The following UNC80 variants were observed in gnomAD, a reference collection of about 807,000 sequenced individuals.
The protein encoded by UNC80 is protein unc-80 homolog.
A neutral mutation model predicts 384.6 loss-of-function variants in UNC80; 164 were observed. That is an observed-to-expected ratio of 0.43 (90% CI 0.38 to 0.49). The LOEUF is 0.49. Among genes scored for constraint, UNC80 ranks in the 20% least tolerant of loss-of-function variants. The probability of loss-of-function intolerance (pLI) is 0.00; values close to 1 mark genes in which losing one functional copy is unlikely to be tolerated. For missense variants in UNC80, 3,330 were observed against 4,143.0 expected (o/e 0.80, Z 5.39); for synonymous variants, 1,486 against 1,527.8 (o/e 0.97, Z 0.64).
In UNC80 at chr2:209,834,100, C is replaced by T. The variant is rs756648889; in HGVS notation, c.2874C>T (p.Ala958=). 10 of 1,551,344 alleles carry T rather than the reference C, an allele frequency of 6.4e-6. No homozygotes were observed. Among genetic ancestry groups the T allele is most frequent in the East Asian group, 4.9e-5 (2 of 40,922 alleles). Reference sequence around the variant, plus strand: ...CCCTCAGCGCTCTGCTTGACAGTGCCGAGAAGTTAGCACCAGGGAAAAAGG... The same window carrying T: ...CCCTCAGCGCTCTGCTTGACAGTGCTGAGAAGTTAGCACCAGGGAAAAAGG... The part of the protein sequence containing the change: ...RVALSALLDS[A]EKLAPGKKVE... Residue 958 remains alanine (A), a synonymous_variant, in exon 17 of 65, where the codon GCC becomes GCT. Coordinates refer to ENST00000673920, the MANE Select transcript of UNC80 (RefSeq NM_001371986.1).
intron 23 of UNC80, among the ~76,000 whole-genome samples, chr2:209,875,073 T>C (rs1357946769): frequency 6.6e-6 from 1 of 152,080 alleles, no homozygotes; most frequent in Non-Finnish European, 1.5e-5. Flanking sequence ...CCTCACAGTC[T>C]CCTCTCATTT....
Position 209,917,811 on chromosome 2 carries a change from T to C in UNC80, c.5064T>C (p.Pro1688=). The C allele has an allele frequency of 1.3e-6, 2 of 1,552,148 alleles. No individual in the cohort carries two copies. Among genetic ancestry groups the C allele is most frequent in the Non-Finnish European group, 1.7e-6 (2 of 1,147,062 alleles). ...AMFLLCAVKV[P]EAVSDMLMSE... ...TCCTGCTGTGTGCAGTGAAGGTGCC[T>C]GAGGCCGTGTCCGACATGCTGATGT... Residue 1688 remains proline, a synonymous_variant, in exon 32 of 65, where the codon CCT becomes CCC. Transcript: ENST00000673920.
chr2:209,959,438 G>A (rs935070622), intron 50 of UNC80, 51 bp from the exon 51 acceptor site: 4 of 1,508,266 alleles, frequency 2.7e-6, no homozygotes, highest in African/African-American at 1.4e-5. Flanking sequence ...TCTCACAGCT[G>A]CTACATGAAT....
At chr2:209,966,013 C>T (rs78568565) in intron 51 of UNC80, among the ~76,000 whole-genome samples, 2,085 of 152,082 alleles carry the variant, frequency 0.014, 30 homozygotes, top group Non-Finnish European at 0.022. Flanking sequence ...GAAAACTTTC[C>T]ATGTATGGCT....
At chr2:209,931,855 A>C (rs1157894470) in intron 38 of UNC80, among the ~76,000 whole-genome samples, 2 of 152,186 alleles carry the variant, frequency 1.3e-5, no homozygotes, top group Non-Finnish European at 2.9e-5. Context: ...ATCCAGATTT[A>C]AGTTCAGACC....
At chr2:209,798,163 A>G (rs187410420) in intron 7 of UNC80, among the ~76,000 whole-genome samples, 4 of 152,280 alleles carry the variant, frequency 2.6e-5, no homozygotes, top group Non-Finnish European at 5.9e-5. Context: ...CCTTTAGTTT[A>G]ATTAAATCCC....
chr2:209,934,838 G>A (rs1180138216), intron 39 of UNC80, among the ~76,000 whole-genome samples: 2 of 152,126 alleles, frequency 1.3e-5, no homozygotes, highest in East Asian at 1.9e-4. Flanking sequence ...ATAAGCATTC[G>A]ATGAATGGGA....
At chr2:209,866,493 CA>C (rs1437640914) in intron 22 of UNC80, among the ~76,000 whole-genome samples, 48 of 97,094 alleles carry the variant, frequency 4.9e-4, no homozygotes, top group East Asian at 2.0e-3. Flanking sequence ...TGCACCCCCA[CA>C]CACACACACA....
chr2:209,809,466 C>G lies in UNC80; in HGVS notation c.939-4114C>G, dbSNP rs758581498. The G allele has an allele frequency of 4.1e-4, 590 of 1,449,118 alleles. 1 individual carries two copies. The highest frequency in any genetic ancestry group is 5.3e-4 in the Non-Finnish European group (543 of 1,030,756). 89.8% of individuals were successfully genotyped at this position (1,449,118 alleles called of 1,614,324 possible). A position where few individuals can be genotyped will look rare whatever the true frequency, so the allele number is the denominator to read the frequency against. On this transcript the variant is annotated intron_variant, in intron 7 of 64. Coordinates refer to ENST00000673920, the MANE Select transcript of UNC80 (RefSeq NM_001371986.1). Reference sequence around the variant, plus strand: ...ACCGCTCCAACCTGCGGGCCCACCTCCAGACCCACTTGGACGTCAAGAAGT... The same window carrying G: ...ACCGCTCCAACCTGCGGGCCCACCTGCAGACCCACTTGGACGTCAAGAAGT...
At chr2:209,813,166 T>C (rs2079485586) in intron 7 of UNC80, among the ~76,000 whole-genome samples, 1 of 152,184 alleles carries the variant, frequency 6.6e-6, no homozygotes, top group Non-Finnish European at 1.5e-5. Context: ...AGGAAGCATT[T>C]TAATCTGAAC....
intron 7 of UNC80, among the ~76,000 whole-genome samples, chr2:209,810,343 T>G (rs529598199): frequency 6.6e-6 from 1 of 152,342 alleles, no homozygotes; most frequent in African/African-American, 2.4e-5. Flanking sequence ...GTACTTATAT[T>G]TCATACATTT....
chr2:209,986,671 C>T (rs752023461), intron 61 of UNC80, among the ~76,000 whole-genome samples: 1 of 152,124 alleles, frequency 6.6e-6, no homozygotes, highest in African/African-American at 2.4e-5. Context: ...GTGTGAGTCA[C>T]CCAGACCCAG....
chr2:209,841,400 G>A (rs1368431527), intron 20 of UNC80, among the ~76,000 whole-genome samples: 1 of 152,126 alleles, frequency 6.6e-6, no homozygotes, highest in African/African-American at 2.4e-5. Context: ...TCTGTGGCCA[G>A]GCTGGAGTGC....
At position 209,921,495 on chromosome 2, in the gene UNC80, C is replaced by T. The variant is rs2090038931; in HGVS notation, c.5344-5C>T. On this transcript the variant is annotated splice_polypyrimidine_tract_variant and splice_region_variant and intron_variant, in intron 33 of 64. Transcript: ENST00000673920. ...TTAAATGAACTTGCCTTTATGTCTC[C>T]ACAGAAATCCTTTTCAGCCCGGGCT... 6.5e-7 allele frequency: 1 copy of T among 1,540,784 alleles called. No homozygotes were observed. The highest frequency in any genetic ancestry group is 1.4e-5 in the African/African-American group (1 of 72,286).
At chr2:209,871,611 G>A (rs558274542) in intron 22 of UNC80, among the ~76,000 whole-genome samples, 1 of 152,128 alleles carries the variant, frequency 6.6e-6, no homozygotes, top group African/African-American at 2.4e-5. Flanking sequence ...ATAATATTGT[G>A]ATGTATTTTT....
chr2:209,957,445 A>T (rs2092456322), intron 48 of UNC80, among the ~76,000 whole-genome samples, 199 bp from the exon 49 acceptor site: 1 of 152,244 alleles, frequency 6.6e-6, no homozygotes, highest in Non-Finnish European at 1.5e-5. Flanking sequence ...TGATGAGCTT[A>T]TAAACCCCTG....
chr2:209,932,702 C>A (rs748723920), intron 38 of UNC80, among the ~76,000 whole-genome samples: 5 of 152,172 alleles, frequency 3.3e-5, no homozygotes, highest in Non-Finnish European at 7.3e-5. Flanking sequence ...CCATCTCAAC[C>A]ATTATTCTAG....
intron 60 of UNC80, among the ~76,000 whole-genome samples, chr2:209,984,559 T>C (rs10804178): frequency 0.5 from 76,621 of 151,874 alleles, 19,410 homozygotes; most frequent in African/African-American, 0.53. Context: ...CATTCTGCAA[T>C]GTGTTTCAGA....
chr2:209,831,113 T>G (rs1247045944), intron 15 of UNC80, among the ~76,000 whole-genome samples: 1 of 152,106 alleles, frequency 6.6e-6, no homozygotes, highest in Non-Finnish European at 1.5e-5. Flanking sequence ...TCTTTTTTTT[T>G]CTGTAAGTGA....
Sources: allele counts gnomAD v4.1 joint callset (sites outside exome capture counted in the v4.1 genomes callset), GRCh38; gene constraint gnomAD v4.1.1; transcripts MANE v1.5; gene names NCBI Gene and HGNC (gene_info 2026-07-23, HGNC 2026-07-21).